AGBL1: variants seen among roughly 807,000 people sequenced by gnomAD.
The protein encoded by AGBL1 is cytosolic carboxypeptidase 4.
A neutral mutation model predicts 118.9 loss-of-function variants in AGBL1; 130 were observed. The observed-to-expected ratio is 1.09, with a 90% CI of 0.95 to 1.26. AGBL1 has a LOEUF of 1.26. Ranked by LOEUF, AGBL1 falls within the 50% of genes most tolerant of loss-of-function variation. The pLI is 0.00. For missense variants in AGBL1, 1,584 were observed against 1,298.1 expected, an observed-to-expected ratio of 1.22 and a Z score of -3.38; for synonymous variants, 555 against 478.9, an observed-to-expected ratio of 1.16 and a Z score of -2.08.
At chr15:86,244,318 G>C (rs1241415910) in intron 6 of AGBL1, among the ~76,000 whole-genome samples, 1 of 152,008 alleles carries the variant, frequency 6.6e-6, no homozygotes, top group Non-Finnish European at 1.5e-5. Flanking sequence ...TGTTTGCCCT[G>C]GCCCTGCAAA....
intron 22 of AGBL1, among the ~76,000 whole-genome samples, chr15:86,700,722 C>G (rs945373261): frequency 6.6e-6 from 1 of 152,042 alleles, no homozygotes; most frequent in East Asian, 1.9e-4. Context: ...TATTCTGTGC[C>G]TCAAGTAATC....
rs1035330799 is a variant in AGBL1 at position 86,339,488 on chromosome 15, C to G, written c.2374+44080C>G. Among the ~76,000 whole-genome samples the G allele has an allele frequency of 9.9e-5, 15 of 152,180 alleles. No individual in the cohort carries two copies. In the South Asian group the frequency reaches 2.3e-3, roughly 23 times the overall value. On this transcript the variant is annotated intron_variant, in intron 17 of 22. Coordinates refer to ENST00000614907, the MANE Select transcript of AGBL1 (RefSeq NM_001386094.1). Reference sequence around the variant, plus strand: ...GACTCCAATTATATGAATGTTCGATCTTCTATTTTGTCTCACAGGTCATTG... The same window carrying G: ...GACTCCAATTATATGAATGTTCGATGTTCTATTTTGTCTCACAGGTCATTG...
intron 22 of AGBL1, among the ~76,000 whole-genome samples, chr15:86,767,307 C>T (rs74942840): frequency 1.3e-3 from 190 of 151,940 alleles, no homozygotes; most frequent in African/African-American, 4.2e-3. Flanking sequence ...GGGACAGAGA[C>T]GAATGGGCCT....
chr15:86,653,572 AC>A (rs2085413400), intron 21 of AGBL1, among the ~76,000 whole-genome samples: 1 of 152,158 alleles, frequency 6.6e-6, no homozygotes, highest in Non-Finnish European at 1.5e-5. Context: ...TGAAGGCAAC[AC>A]AAATCAAAGC....
intron 24 of AGBL1, among the ~76,000 whole-genome samples, chr15:86,989,528 A>T (rs2081317749): frequency 6.6e-6 from 1 of 152,216 alleles, no homozygotes; most frequent in Non-Finnish European, 1.5e-5. Context: ...ATGGGAAATG[A>T]TTAAAATATT....
At chr15:86,757,880 T>C (rs924044155) in intron 22 of AGBL1, among the ~76,000 whole-genome samples, 2 of 152,118 alleles carry the variant, frequency 1.3e-5, no homozygotes, top group Admixed American at 6.6e-5. Flanking sequence ...CTCTGAATGA[T>C]TCTGATTTTA....
At chr15:86,490,618 C>T (rs2082766303) in intron 18 of AGBL1, among the ~76,000 whole-genome samples, 1 of 152,076 alleles carries the variant, frequency 6.6e-6, no homozygotes, top group African/African-American at 2.4e-5. Context: ...TGAGGATTTG[C>T]AATCTGCCTC....
At chr15:86,688,126 T>C (rs1393268781) in intron 22 of AGBL1, among the ~76,000 whole-genome samples, 1 of 152,156 alleles carries the variant, frequency 6.6e-6, no homozygotes, top group Non-Finnish European at 1.5e-5. Context: ...TGTCGTTGTT[T>C]CATGTATGAA....
At chr15:86,671,405 A>G (rs537059092) in intron 21 of AGBL1, among the ~76,000 whole-genome samples, 1 of 152,346 alleles carries the variant, frequency 6.6e-6, no homozygotes, top group East Asian at 1.9e-4. Context: ...TTAAGTCACT[A>G]TAATCAGACT....
intron 21 of AGBL1, among the ~76,000 whole-genome samples, chr15:86,569,412 G>GAA (rs11389548): frequency 1.9e-3 from 270 of 142,910 alleles, no homozygotes; most frequent in East Asian, 2.0e-3. Flanking sequence ...AGAAAACAAG[G>GAA]AAAAAAAAAA....
chr15:86,102,580 C>T (rs532331063), intron 1 of AGBL1, among the ~76,000 whole-genome samples: 7 of 152,200 alleles, frequency 4.6e-5, no homozygotes, highest in African/African-American at 7.2e-5. Context: ...ATAATATTCC[C>T]GCCCCACCAG....
At chr15:86,819,187 G>GCA (rs935775489) in intron 22 of AGBL1, among the ~76,000 whole-genome samples, 2 of 152,076 alleles carry the variant, frequency 1.3e-5, no homozygotes, top group African/African-American at 2.4e-5. Flanking sequence ...TATGAAAAGG[G>GCA]CACCATGATG....
intron 22 of AGBL1, among the ~76,000 whole-genome samples, chr15:86,801,943 A>G (rs2078655900): frequency 6.6e-6 from 1 of 152,150 alleles, no homozygotes; most frequent in South Asian, 2.1e-4. Flanking sequence ...ATGAGAAATG[A>G]TCAAGCCCTG....
At chr15:86,313,873 A>G (rs1403458097) in intron 17 of AGBL1, among the ~76,000 whole-genome samples, 1 of 152,160 alleles carries the variant, frequency 6.6e-6, no homozygotes, top group African/African-American at 2.4e-5. Context: ...AGGCTTTTTC[A>G]ACCCTGTATT....
intron 22 of AGBL1, among the ~76,000 whole-genome samples, chr15:86,813,063 A>G (rs1228355679): frequency 1.3e-5 from 2 of 152,068 alleles, no homozygotes; most frequent in Non-Finnish European, 2.9e-5. Context: ...AATGGAGAGC[A>G]GGTAGCTGTT....
chr15:86,159,915 G>A (rs953085506), intron 5 of AGBL1, among the ~76,000 whole-genome samples: 7 of 151,972 alleles, frequency 4.6e-5, no homozygotes, highest in South Asian at 4.2e-4. Context: ...CAAGCATTTC[G>A]TAGAGTGAAA....
chr15:86,307,812 A>G (rs999600761), intron 17 of AGBL1, among the ~76,000 whole-genome samples: 1 of 152,168 alleles, frequency 6.6e-6, no homozygotes, highest in Non-Finnish European at 1.5e-5. Context: ...TATATAACAT[A>G]TAGACCTAGA....
intron 23 of AGBL1, among the ~76,000 whole-genome samples, chr15:86,944,813 C>T (rs1003620901): frequency 5.3e-5 from 8 of 151,972 alleles, no homozygotes; most frequent in Non-Finnish European, 1.2e-4. Context: ...TTCTTAAGGG[C>T]AATAAGTAAG....
At chr15:86,281,974 T>C (rs2079362324) in intron 16 of AGBL1, among the ~76,000 whole-genome samples, 1 of 152,264 alleles carries the variant, frequency 6.6e-6, no homozygotes, top group East Asian at 1.9e-4. Flanking sequence ...CCAAACATGG[T>C]CTAATTCTTA....
Sources: gnomAD v4.1 joint callset for allele counts (sites outside exome capture counted in the v4.1 genomes callset) on GRCh38, gnomAD v4.1.1 for gene constraint, MANE v1.5 for transcripts, NCBI Gene and HGNC (gene_info 2026-07-23, HGNC 2026-07-21) for gene names.